The following EYA3 variants were observed in gnomAD, a reference collection of about 807,000 sequenced individuals.
The protein encoded by EYA3 is protein phosphatase EYA3.
EYA3 carries 39 observed loss-of-function variants against 80.0 expected under a neutral mutation model. The observed-to-expected ratio is 0.49, with a 90% CI of 0.38 to 0.64. The LOEUF (loss-of-function observed/expected upper bound fraction) is 0.64. EYA3 is among the 30% of genes least tolerant of loss of function. EYA3 has a pLI of 0.00. For missense variants in EYA3, 523 were observed against 676.1 expected (o/e 0.77, Z 2.51); for synonymous variants, 206 against 232.8 (o/e 0.88, Z 1.05).
chr1:28,038,183 C>A (rs1433223154), intron 5 of EYA3, among the ~76,000 whole-genome samples: 1 of 152,100 alleles, frequency 6.6e-6, no homozygotes, highest in Non-Finnish European at 1.5e-5. Flanking sequence ...TGGCTCACGA[C>A]TGTAATCCCA....
intron 4 of EYA3, among the ~76,000 whole-genome samples, chr1:28,040,753 G>A (rs1367411452): frequency 6.7e-6 from 1 of 148,640 alleles, no homozygotes; most frequent in Non-Finnish European, 1.5e-5. Context: ...AATGGGAGGT[G>A]AAAAAGCAAG....
At chr1:28,075,638 C>T (rs559423278) in intron 1 of EYA3, among the ~76,000 whole-genome samples, 1 of 152,248 alleles carries the variant, frequency 6.6e-6, no homozygotes, top group South Asian at 2.1e-4. Flanking sequence ...AATTAAAATG[C>T]CACAAAGTTT....
chr1:28,014,631 G>A (rs565000960), intron 8 of EYA3, among the ~76,000 whole-genome samples: 12 of 151,860 alleles, frequency 7.9e-5, no homozygotes, highest in Admixed American at 3.3e-4. Context: ...GGGAAGATGA[G>A]GCAGGAGAAT....
chr1:28,076,771 G>A (rs1266722139), intron 1 of EYA3, among the ~76,000 whole-genome samples: 6 of 122,452 alleles, frequency 4.9e-5, no homozygotes, highest in South Asian at 2.4e-4. Context: ...ACAGAGTTTC[G>A]CTCTCATTGC....
chr1:28,019,325 A>T (rs1331278855), intron 7 of EYA3, among the ~76,000 whole-genome samples: 1 of 152,242 alleles, frequency 6.6e-6, no homozygotes, highest in Non-Finnish European at 1.5e-5. Context: ...TAGGTTTTAT[A>T]GCTTTACAGA....
intron 1 of EYA3, among the ~76,000 whole-genome samples, chr1:28,079,737 T>C (rs1645353025): frequency 6.6e-6 from 1 of 152,140 alleles, no homozygotes; most frequent in Admixed American, 6.5e-5. Flanking sequence ...TAGGTTAAGT[T>C]TTACAGAATC....
chr1:28,051,299 CAT>C (rs1054346287), intron 2 of EYA3, among the ~76,000 whole-genome samples: 1 of 151,864 alleles, frequency 6.6e-6, no homozygotes, highest in Non-Finnish European at 1.5e-5. Context: ...ACAAGACAAA[CAT>C]ACAAAAATCA....
In EYA3 at chr1:28,083,261, C is replaced by A. The variant is rs1645495742; in HGVS notation, c.-69+5263G>T. On this transcript the variant is annotated intron_variant, in intron 1 of 17. Coordinates refer to ENST00000373871, the MANE Select transcript of EYA3 (RefSeq NM_001990.4). ...CCTTGGCTGGGCACGGTGGCTCACG[C>A]CTGTAATCTCAGCACTTTGGGAGGC... is the stretch of plus-strand genomic sequence containing the variant. 2.6e-5 allele frequency among the ~76,000 whole-genome samples: 4 copies of A among 152,134 alleles called. 1 individual carries two copies. The South Asian group carries it at 8.3e-4, about 32-fold the overall frequency.
rs553634242 is a variant in EYA3 at position 28,024,531 on chromosome 1, C to T, written c.499+3258G>A. ...AATTAGCTGGGCGTGGTGGTGGGTG[C>T]CTCTAATCCCAGCTACACGGGAGGC... On this transcript the variant is annotated intron_variant, in intron 7 of 17. Coordinates refer to ENST00000373871, the MANE Select transcript of EYA3 (RefSeq NM_001990.4). Among the ~76,000 whole-genome samples, 30 of 152,088 alleles carry T rather than the reference C, an allele frequency of 2.0e-4. No homozygotes were observed. The South Asian group carries it at 6.0e-3, about 30-fold the overall frequency.
At chr1:27,997,252 C>A in intron 13 of EYA3, 68 bp downstream of exon 13, 2 of 1,425,504 alleles carry the variant, frequency 1.4e-6, no homozygotes, top group Admixed American at 3.4e-5. Context: ...TGTTTTCCTC[C>A]AAACCTAGAC....
At chr1:28,059,845 C>T (rs542642269) in intron 1 of EYA3, among the ~76,000 whole-genome samples, 29 of 151,960 alleles carry the variant, frequency 1.9e-4, no homozygotes, top group Admixed American at 1.8e-3. Flanking sequence ...CTCAGGCTCC[C>T]AAGTAGCTGG....
At chr1:28,075,647 T>C (rs1257206782) in intron 1 of EYA3, among the ~76,000 whole-genome samples, 1 of 152,172 alleles carries the variant, frequency 6.6e-6, no homozygotes, top group African/African-American at 2.4e-5. Context: ...GCCACAAAGT[T>C]TGCTGTTTTT....
rs201740759 is a variant in EYA3, at chr1:27,993,477, A to G, written c.1226T>C (p.Val409Ala). ...HGSSVGVQGG[V>A]DWMRKLAFRY... is the part of the protein sequence containing the mutation. ...GAAAGCTAGTTTCCTCATCCAGTCC[A>G]CACCTCCCTGAACACCCACAGATGA... Residue 409 changes from valine to alanine, a missense_variant, in exon 14 of 18, where the codon GTG becomes GCG. By Grantham distance (64) the Val-to-Ala change is moderately conservative. Around this residue, in one of 2 missense-constraint regions of EYA3, gnomAD observed 219 missense variants for 332.8 expected, o/e 0.66. Coordinates refer to ENST00000373871, the MANE Select transcript of EYA3 (RefSeq NM_001990.4). 1 of 1,613,548 alleles carries G rather than the reference A, an allele frequency of 6.2e-7. No individual in the cohort carries two copies. Among genetic ancestry groups the G allele is most frequent in the Non-Finnish European group, 8.5e-7 (1 of 1,179,802 alleles).
At chr1:28,034,020 C>T (rs903628329) in intron 6 of EYA3, among the ~76,000 whole-genome samples, 1 of 151,720 alleles carries the variant, frequency 6.6e-6, no homozygotes, top group African/African-American at 2.4e-5. Flanking sequence ...ATGGTGAAAC[C>T]CTGTCTCTAC....
chr1:28,019,261 G>A (rs1163054293), intron 7 of EYA3, among the ~76,000 whole-genome samples: 1 of 152,108 alleles, frequency 6.6e-6, no homozygotes, highest in African/African-American at 2.4e-5. Flanking sequence ...TTGCTTCAGG[G>A]GAACTAAAGG....
At chr1:28,033,393 C>G (rs1311516634) in intron 6 of EYA3, among the ~76,000 whole-genome samples, 1 of 152,056 alleles carries the variant, frequency 6.6e-6, no homozygotes, top group African/African-American at 2.4e-5. Flanking sequence ...TTACCCCAAC[C>G]AAAATCTCTC....
At chr1:28,084,559 ATATATATATATAT>A (rs1645547462) in intron 1 of EYA3, among the ~76,000 whole-genome samples, 1 of 6,122 alleles carries the variant, frequency 1.6e-4, no homozygotes, top group Non-Finnish European at 3.3e-4. Context: ...ATTCCAAAAT[ATATATATATATAT>A]ATATATATAT....
intron 17 of EYA3, chr1:27,977,471 T>C (rs1449808218): frequency 3.0e-6 from 4 of 1,345,972 alleles, no homozygotes; most frequent in Non-Finnish European, 4.1e-6. Context: ...AAGAGGATAA[T>C]TGTTCAAATT....
chr1:27,975,687 G>A (rs756419479), intron 17 of EYA3, among the ~76,000 whole-genome samples: 6 of 151,256 alleles, frequency 4.0e-5, no homozygotes, highest in East Asian at 2.0e-4. Flanking sequence ...GGGTTTCACC[G>A]TGTTAGCCAG....
Sources: allele counts gnomAD v4.1 joint callset (sites outside exome capture counted in the v4.1 genomes callset), GRCh38; gene constraint gnomAD v4.1.1; regional missense constraint gnomAD v4.1.1; transcripts MANE v1.5; gene names NCBI Gene and HGNC (gene_info 2026-07-23, HGNC 2026-07-21).